Variants in E2F7 observed in about 807,000 individuals in gnomAD.
The protein encoded by E2F7 is transcription factor E2F7.
A neutral mutation model predicts 81.1 loss-of-function variants in E2F7; 35 were observed. The ratio of observed to expected loss-of-function variants is 0.43; its 90% CI spans 0.33 to 0.57. The LOEUF (loss-of-function observed/expected upper bound fraction) is 0.57, where lower values mean the gene tolerates loss of function less well. E2F7 is among the 20% of genes least tolerant of loss of function. The pLI is 0.04. For missense variants in E2F7, 961 were observed against 1,093.7 expected (o/e 0.88, Z 1.71); for synonymous variants, 416 against 416.2 (o/e 1.00, Z 0.01).
intron 7 of E2F7, among the ~76,000 whole-genome samples, chr12:77,035,507 C>T (rs896886506): frequency 2.6e-5 from 4 of 152,072 alleles, no homozygotes; most frequent in Non-Finnish European, 4.4e-5. Context: ...GGGTGTTGCC[C>T]CAGTAATGGG....
chr12:77,021,256 T>C lies in E2F7; in HGVS notation c.*2759A>G, dbSNP rs934282644. 3 of 152,596 alleles carry C rather than the reference T, an allele frequency of 2.0e-5. No individual in the cohort carries two copies. The highest frequency in any genetic ancestry group is 6.5e-5 in the Admixed American group (1 of 15,272). The allele number at this position is 152,596 out of a possible 1,614,324, so 9.5% of individuals were successfully genotyped here. ...AATACAACCACCATCTCTTCTTAAATGAATTATTTTTTATTGCTATTTTAT... is the reference window on the plus strand; with the variant it reads ...AATACAACCACCATCTCTTCTTAAACGAATTATTTTTTATTGCTATTTTAT... On this transcript the variant is annotated 3_prime_UTR_variant, in exon 13 of 13. Coordinates refer to ENST00000322886, the MANE Select transcript of E2F7 (RefSeq NM_203394.3).
At chr12:77,057,157 A>G (rs1592567351) in intron 2 of E2F7, among the ~76,000 whole-genome samples, 1 of 152,168 alleles carries the variant, frequency 6.6e-6, no homozygotes, top group East Asian at 1.9e-4. Context: ...GGTTCAAGTG[A>G]TCTTCCCACC....
chr12:77,030,170 C>T lies in E2F7; in HGVS notation c.1545G>A (p.Gln515=). The T allele has an allele frequency of 6.2e-7, 1 of 1,614,194 alleles. No individual in the cohort carries two copies. The highest frequency in any genetic ancestry group is 1.1e-5 in the South Asian group (1 of 91,080). Reference sequence around the variant, plus strand: ...CATCCACTTGTCCATTCAGACCGTTCTGCATGGAGAATGCCTGCAGGTCCG... The same window carrying T: ...CATCCACTTGTCCATTCAGACCGTTTTGCATGGAGAATGCCTGCAGGTCCG... ...AQTDLQAFSM[Q]NGLNGQVDVS... The change falls in exon 10 of 13, where the codon CAG becomes CAA. Residue 515 remains glutamine (Q), a synonymous_variant. Transcript: ENST00000322886.
At chr12:77,037,907 C>G (rs1357596170) in intron 7 of E2F7, among the ~76,000 whole-genome samples, 1 of 152,034 alleles carries the variant, frequency 6.6e-6, no homozygotes, top group African/African-American at 2.4e-5. Context: ...ATACTGCCCA[C>G]CAGACACTCA....
rs1954715568 is a variant in E2F7 at position 77,021,974 on chromosome 12, GCTT to G, written c.*2038_*2040del. ...TCATAATATCCTCACCAATGGGACTGCTTCTTAACACCCCTCAGGAATTATGAA... is the reference window on the plus strand; with the variant it reads ...TCATAATATCCTCACCAATGGGACTGCTTAACACCCCTCAGGAATTATGAA... On this transcript the variant is annotated 3_prime_UTR_variant, in exon 13 of 13. Transcript: ENST00000322886. The G allele has an allele frequency of 6.6e-6, 1 of 152,178 alleles. No individual in the cohort carries two copies. Among genetic ancestry groups the G allele is most frequent in the Non-Finnish European group, 1.5e-5 (1 of 68,036 alleles). The allele number at this position is 152,178 out of a possible 1,614,324, so 9.4% of individuals were successfully genotyped here.
rs1327534776 is a variant in E2F7 at position 77,029,222 on chromosome 12, C to T, written c.1884+609G>A. ...TTCTTAATTATTGTAATGATTTCCACGAAGTGTGCCCAGCCTACCTACTGC... is the reference window on the plus strand; with the variant it reads ...TTCTTAATTATTGTAATGATTTCCATGAAGTGTGCCCAGCCTACCTACTGC... On this transcript the variant is annotated intron_variant, in intron 10 of 12. Transcript: ENST00000322886. Among the ~76,000 whole-genome samples the T allele has an allele frequency of 9.2e-5, 14 of 152,274 alleles. No homozygotes were observed. In the East Asian group the frequency reaches 1.5e-3, roughly 17 times the overall value.
intron 10 of E2F7, among the ~76,000 whole-genome samples, 193 bp downstream of exon 10, chr12:77,029,637 TA>T (rs1954788342): frequency 1.3e-5 from 2 of 152,282 alleles, no homozygotes; most frequent in Non-Finnish European, 2.9e-5. Context: ...GTGAGTTTTA[TA>T]AAAATCACCT....
chr12:77,064,500 C>A lies in E2F7; in HGVS notation c.93+43G>T, dbSNP rs1955102073. On this transcript the variant is annotated intron_variant, in intron 2 of 12. Coordinates refer to ENST00000322886, the MANE Select transcript of E2F7 (RefSeq NM_203394.3). ...AACACTTAATTGAATTCAACATCAC[C>A]ATCCTTAACATATTAGAAACTAAGG... is the stretch of plus-strand genomic sequence containing the variant. 13 of 1,507,672 alleles carry A rather than the reference C, an allele frequency of 8.6e-6. No individual in the cohort carries two copies. The East Asian group carries it at 2.9e-4, about 34-fold the overall frequency. The allele number at this position is 1,507,672 out of a possible 1,614,324, so 93.4% of individuals were successfully genotyped here. A position where few individuals can be genotyped will look rare whatever the true frequency, so the allele number is the denominator to read the frequency against.
intron 11 of E2F7, among the ~76,000 whole-genome samples, chr12:77,026,342 A>G (rs1954759709): frequency 6.6e-6 from 1 of 152,040 alleles, no homozygotes; most frequent in African/African-American, 2.4e-5. Context: ...TTGCTCTGTT[A>G]CCCAGGCTGG....
At chr12:77,036,582 T>G (rs1339228368) in intron 7 of E2F7, among the ~76,000 whole-genome samples, 1 of 151,952 alleles carries the variant, frequency 6.6e-6, no homozygotes, top group Non-Finnish European at 1.5e-5. Context: ...GAAAAAAATC[T>G]TCAACGCAAA....
At chr12:77,052,071 G>C (rs1954994185) in intron 3 of E2F7, among the ~76,000 whole-genome samples, 1 of 151,956 alleles carries the variant, frequency 6.6e-6, no homozygotes, top group African/African-American at 2.4e-5. Flanking sequence ...AAAATGATAA[G>C]GATTTTAGAA....
At chr12:77,046,421 TTGTC>T (rs1954943432) in intron 4 of E2F7, 93 bp from the exon 5 acceptor site, 2 of 1,372,714 alleles carry the variant, frequency 1.5e-6, no homozygotes, top group Middle Eastern at 1.9e-4. Flanking sequence ...GTGAACTACT[TTGTC>T]TGATCCCCAA....
intron 2 of E2F7, among the ~76,000 whole-genome samples, chr12:77,057,012 A>G (rs1329283557): frequency 6.6e-6 from 1 of 151,534 alleles, no homozygotes; most frequent in Non-Finnish European, 1.5e-5. Flanking sequence ...TTAGCCTCCC[A>G]AGTAGCTGGG....
At position 77,055,848 on chromosome 12, in the gene E2F7, T is replaced by C. The variant is rs1413898194; in HGVS notation, c.369+7A>G. 9 of 1,593,904 alleles carry C rather than the reference T, an allele frequency of 5.6e-6. No individual in the cohort carries two copies. Among genetic ancestry groups the C allele is most frequent in the Non-Finnish European group, 7.7e-6 (9 of 1,171,780 alleles). On this transcript the variant is annotated splice_region_variant and intron_variant, in intron 3 of 12. Transcript: ENST00000322886. ...TAAAAAATCCCTGAGGAGCACAGTC[T>C]GTTTACCTGTAGAGAATCTGTAAAT... is the stretch of plus-strand genomic sequence containing the variant.
At chr12:77,051,944 G>A (rs981021193) in intron 3 of E2F7, among the ~76,000 whole-genome samples, 1 of 152,138 alleles carries the variant, frequency 6.6e-6, no homozygotes, top group African/African-American at 2.4e-5. Flanking sequence ...ATTAAAAATA[G>A]TTTTAGAATT....
Position 77,043,090 on chromosome 12 carries a change from G to A in E2F7, c.1098C>T (p.Ile366=), listed in dbSNP as rs373017805. 6.7e-5 allele frequency: 108 copies of A among 1,613,960 alleles called. No individual in the cohort carries two copies. The highest frequency in any genetic ancestry group is 1.6e-4 in the Middle Eastern group (1 of 6,084). Residue 366 remains isoleucine (I), a synonymous_variant, in exon 7 of 13, where the codon ATC becomes ATT. Coordinates refer to ENST00000322886, the MANE Select transcript of E2F7 (RefSeq NM_203394.3). ...ERGRKPAFKW[I]GPVDFSSSDE... ...CACTTGAGCTGAAGTCCACAGGCCC[G>A]ATCCACTTGAAGGCTGGTTTACGAC...
At position 77,050,714 on chromosome 12, in the gene E2F7, C is replaced by T. The variant is rs762356959; in HGVS notation, c.400G>A (p.Glu134Lys). 1.8e-5 allele frequency: 29 copies of T among 1,613,610 alleles called. No homozygotes were observed. The highest frequency in any genetic ancestry group is 2.2e-5 in the Non-Finnish European group (26 of 1,179,898). Reference protein sequence around the residue: ...LDVVGDSAVDEFEKQRPSRKQ... With the variant: ...LDVVGDSAVDKFEKQRPSRKQ... Reference sequence around the variant, plus strand: ...CTGCTTGGCCTTTGCTTTTCAAATTCGTCCACAGCACTGTCCCCAACAACA... The same window carrying T: ...CTGCTTGGCCTTTGCTTTTCAAATTTGTCCACAGCACTGTCCCCAACAACA... The change falls in exon 4 of 13, where the codon GAA (glutamate) becomes AAA (lysine). Residue 134 changes from glutamate to lysine, a missense_variant. Glu to Lys is a moderately conservative substitution (Grantham distance 56). Transcript: ENST00000322886.
Position 77,022,192 on chromosome 12 carries a change from C to T in E2F7, c.*1823G>A, listed in dbSNP as rs1285862265. ...GTAGAATTAACATGCATATACCCTGCACAGATTGAAACCTGAAAAAGGTAT... is the reference window on the plus strand; with the variant it reads ...GTAGAATTAACATGCATATACCCTGTACAGATTGAAACCTGAAAAAGGTAT... On this transcript the variant is annotated 3_prime_UTR_variant, in exon 13 of 13. Coordinates refer to ENST00000322886, the MANE Select transcript of E2F7 (RefSeq NM_203394.3). 1.3e-5 allele frequency: 2 copies of T among 152,132 alleles called. No homozygotes were observed. Among genetic ancestry groups the T allele is most frequent in the Non-Finnish European group, 2.9e-5 (2 of 68,030 alleles). 9.4% of individuals were successfully genotyped at this position (152,132 alleles called of 1,614,324 possible).
chr12:77,033,103 T>C lies in E2F7; in HGVS notation c.1329A>G (p.Leu443=). 1 of 1,613,898 alleles carries C rather than the reference T, an allele frequency of 6.2e-7. No individual in the cohort carries two copies. The highest frequency in any genetic ancestry group is 8.5e-7 in the Non-Finnish European group (1 of 1,179,972). The change falls in exon 9 of 13, where the codon TTA becomes TTG. Residue 443 remains leucine (L), a synonymous_variant. Coordinates refer to ENST00000322886, the MANE Select transcript of E2F7 (RefSeq NM_203394.3). ...REEQGSGGYS[L]EIGSLAAVYR... ...AGACAGCTGCCAGGCTTCCAATTTC[T>C]AAAGAGTAGCCACCTGATCCTGAAA...
Sources: allele counts gnomAD v4.1 joint callset (sites outside exome capture counted in the v4.1 genomes callset), GRCh38; gene constraint gnomAD v4.1.1; transcripts MANE v1.5; gene names NCBI Gene and HGNC (gene_info 2026-07-23, HGNC 2026-07-21).